Variants in FAM117B observed in about 807,000 individuals in gnomAD.
The protein encoded by FAM117B is protein FAM117B.
FAM117B carries 22 observed loss-of-function variants against 52.8 expected under a neutral mutation model. That is an observed-to-expected ratio of 0.42 (90% CI 0.30 to 0.59). The LOEUF is 0.59. Among genes scored for constraint, FAM117B ranks in the 20% least tolerant of loss-of-function variants. The pLI is 0.22. For missense variants in FAM117B, 678 were observed against 802.6 expected (o/e 0.84, Z 1.88); for synonymous variants, 309 against 324.1 (o/e 0.95, Z 0.50).
At chr2:202,657,405 A>G (rs1443424764) in intron 1 of FAM117B, among the ~76,000 whole-genome samples, 1 of 151,950 alleles carries the variant, frequency 6.6e-6, no homozygotes, top group Non-Finnish European at 1.5e-5. Context: ...TGTTTTTTAA[A>G]TCTAGTCTGA....
chr2:202,673,332 C>T (rs978889565), intron 1 of FAM117B, among the ~76,000 whole-genome samples: 1 of 151,374 alleles, frequency 6.6e-6, no homozygotes, highest in African/African-American at 2.4e-5. Context: ...CCTTAATTCA[C>T]CATTAAGTAG....
At chr2:202,638,966 A>T (rs1479354664) in intron 1 of FAM117B, among the ~76,000 whole-genome samples, 1 of 152,244 alleles carries the variant, frequency 6.6e-6, no homozygotes, top group Admixed American at 6.5e-5. Context: ...TCAGGTGTTC[A>T]TAACACACAC....
chr2:202,708,993 A>G (rs1184660971), intron 2 of FAM117B, among the ~76,000 whole-genome samples: 1 of 152,138 alleles, frequency 6.6e-6, no homozygotes, highest in African/African-American at 2.4e-5. Context: ...CAGGCGTTCC[A>G]CTTTCTCTAC....
intron 1 of FAM117B, among the ~76,000 whole-genome samples, chr2:202,666,730 G>A (rs1047952413): frequency 1.8e-4 from 27 of 148,550 alleles, no homozygotes; most frequent in South Asian, 6.4e-4. Context: ...GTGCAGTGGC[G>A]CGATCTTGGC....
At chr2:202,662,614 G>A (rs376450205) in intron 1 of FAM117B, among the ~76,000 whole-genome samples, 1 of 152,058 alleles carries the variant, frequency 6.6e-6, no homozygotes, top group Non-Finnish European at 1.5e-5. Context: ...TGGCTGAGGC[G>A]GGTGGATCAC....
chr2:202,640,161 C>T (rs1689746184), intron 1 of FAM117B, among the ~76,000 whole-genome samples: 6 of 150,620 alleles, frequency 4.0e-5, no homozygotes. Flanking sequence ...ATCCCAGCTA[C>T]CGGGGAGGCA....
chr2:202,705,402 G>A (rs1277888159), intron 2 of FAM117B, among the ~76,000 whole-genome samples: 1 of 152,162 alleles, frequency 6.6e-6, no homozygotes, highest in African/African-American at 2.4e-5. Flanking sequence ...ATTTGCTTTG[G>A]TCATGAGAAT....
chr2:202,757,712 A>T (rs554903670), intron 6 of FAM117B, among the ~76,000 whole-genome samples: 4 of 152,230 alleles, frequency 2.6e-5, no homozygotes, highest in Non-Finnish European at 5.9e-5. Context: ...TCTTTTTGGA[A>T]TAAATGAGAT....
At chr2:202,667,396 C>T (rs1290386650) in intron 1 of FAM117B, among the ~76,000 whole-genome samples, 5 of 152,102 alleles carry the variant, frequency 3.3e-5, no homozygotes, top group South Asian at 4.1e-4. Context: ...CCACCACGCC[C>T]GGCCTAAGTA....
chr2:202,718,940 GA>G (rs1691105559), intron 2 of FAM117B, among the ~76,000 whole-genome samples: 1 of 152,172 alleles, frequency 6.6e-6, no homozygotes, highest in Non-Finnish European at 1.5e-5. Context: ...TCTCCTAGAA[GA>G]AGCTCTTCGA....
At chr2:202,701,605 G>T (rs1301247111) in intron 2 of FAM117B, among the ~76,000 whole-genome samples, 1 of 152,212 alleles carries the variant, frequency 6.6e-6, no homozygotes, top group East Asian at 1.9e-4. Flanking sequence ...AAGAACATTT[G>T]TGATTTGTAG....
chr2:202,658,359 AG>A (rs1219821255), intron 1 of FAM117B, among the ~76,000 whole-genome samples: 1 of 152,146 alleles, frequency 6.6e-6, no homozygotes, highest in Non-Finnish European at 1.5e-5. Context: ...GCTGGAGTGC[AG>A]GGGCGTGATC....
chr2:202,708,868 G>A (rs553319053), intron 2 of FAM117B, among the ~76,000 whole-genome samples: 6 of 152,124 alleles, frequency 3.9e-5, no homozygotes, highest in African/African-American at 1.2e-4. Flanking sequence ...CCTCTCCTGC[G>A]TCACTGAGAT....
rs144881544 is a variant in FAM117B, at chr2:202,763,455, CT to C, written c.1452-1987del. ...TTTGGATGGAACTGTTAAAATTAGC[CT>C]TTTCATTTTCTACAAGAAGTTTTTC... On this transcript the variant is annotated intron_variant, in intron 7 of 7. Coordinates refer to ENST00000392238, the MANE Select transcript of FAM117B (RefSeq NM_173511.4). Among the ~76,000 whole-genome samples, 717 of 152,172 alleles carry C rather than the reference CT, an allele frequency of 4.7e-3. 7 individuals carry two copies. Among genetic ancestry groups the C allele is most frequent in the African/African-American group, 0.016 (668 of 41,524 alleles).
chr2:202,669,810 G>T (rs1690262082), intron 1 of FAM117B, among the ~76,000 whole-genome samples: 1 of 152,078 alleles, frequency 6.6e-6, no homozygotes, highest in Non-Finnish European at 1.5e-5. Flanking sequence ...TATCCAGTTT[G>T]TTGGATTTTT....
intron 1 of FAM117B, among the ~76,000 whole-genome samples, chr2:202,677,214 C>T (rs1031022378): frequency 2.6e-5 from 4 of 151,932 alleles, no homozygotes. Context: ...ATTACAGGCA[C>T]GCACCACCAT....
chr2:202,760,320 C>G (rs1676755753), intron 7 of FAM117B, among the ~76,000 whole-genome samples: 1 of 152,094 alleles, frequency 6.6e-6, no homozygotes. Context: ...GGGGGAGGTC[C>G]CAAAGGTCTC....
chr2:202,726,664 T>C (rs368436807), intron 4 of FAM117B, among the ~76,000 whole-genome samples: 3 of 152,074 alleles, frequency 2.0e-5, no homozygotes, highest in South Asian at 2.1e-4. Context: ...GAATTAAGCA[T>C]TGGGTATGGA....
intron 4 of FAM117B, among the ~76,000 whole-genome samples, chr2:202,744,641 C>T (rs770043527): frequency 6.6e-6 from 1 of 151,928 alleles, no homozygotes; most frequent in Non-Finnish European, 1.5e-5. Flanking sequence ...AGACTGCTAG[C>T]CAAAAATATT....
Sources: gnomAD v4.1 joint callset for allele counts (sites outside exome capture counted in the v4.1 genomes callset) on GRCh38, gnomAD v4.1.1 for gene constraint, MANE v1.5 for transcripts, NCBI Gene and HGNC (gene_info 2026-07-23, HGNC 2026-07-21) for gene names.